The following PRKN variants were observed in gnomAD, a reference collection of about 807,000 sequenced individuals.
The protein encoded by PRKN is E3 ubiquitin-protein ligase parkin.
PRKN carries 56 observed loss-of-function variants against 59.5 expected under a neutral mutation model. The ratio of observed to expected loss-of-function variants is 0.94; its 90% CI spans 0.76 to 1.18. The LOEUF (loss-of-function observed/expected upper bound fraction) is 1.18. PRKN is among the 50% of genes most tolerant of loss of function. The pLI, the probability that PRKN is intolerant of heterozygous loss-of-function variation, is 0.00. For synonymous variants in PRKN, 250 were observed against 222.1 expected (o/e 1.13, Z -1.12); for missense variants, 657 against 596.4 (o/e 1.10, Z -1.06).
chr6:161,779,510 T>C (rs1790113225), intron 7 of PRKN, among the ~76,000 whole-genome samples: 1 of 138,328 alleles, frequency 7.2e-6, no homozygotes, highest in Non-Finnish European at 1.5e-5. Flanking sequence ...AGTGGTGTGA[T>C]CGTGGCTCAC....
intron 1 of PRKN, among the ~76,000 whole-genome samples, chr6:162,715,333 G>A (rs1300136674): frequency 3.3e-5 from 5 of 152,192 alleles, no homozygotes; most frequent in Admixed American, 2.0e-4. Context: ...GTATGAGCAC[G>A]CTTATTCCCT....
At chr6:162,133,396 G>C (rs1372059867) in intron 4 of PRKN, among the ~76,000 whole-genome samples, 2 of 152,196 alleles carry the variant, frequency 1.3e-5, no homozygotes, top group Non-Finnish European at 1.5e-5. Context: ...CTTAGCAACT[G>C]AGAGAGCAGT....
rs975244042 is a variant in PRKN at position 162,183,609 on chromosome 6, A to C, written c.534+17522T>G. ...TATATGCCAAAGTATACATCTTGGA[A>C]GGAATTCAATATGGTGATAAAACTA... On this transcript the variant is annotated intron_variant, in intron 4 of 11. Coordinates refer to ENST00000366898, the MANE Select transcript of PRKN (RefSeq NM_004562.3). 2.2e-4 allele frequency among the ~76,000 whole-genome samples: 34 copies of C among 152,220 alleles called. 1 individual carries two copies. Among genetic ancestry groups the C allele is most frequent in the Non-Finnish European group, 7.3e-5 (5 of 68,042 alleles).
intron 7 of PRKN, among the ~76,000 whole-genome samples, chr6:161,692,794 C>T (rs1016217520): frequency 6.6e-6 from 1 of 151,798 alleles, no homozygotes; most frequent in Non-Finnish European, 1.5e-5. Flanking sequence ...AACCCCCCCA[C>T]AAAAATTAGC....
intron 1 of PRKN, among the ~76,000 whole-genome samples, chr6:162,604,283 C>G (rs1441495552): frequency 3.3e-5 from 5 of 152,300 alleles, no homozygotes; most frequent in African/African-American, 4.8e-5. Flanking sequence ...CAGCACTGAT[C>G]CCCTTGGGTA....
intron 6 of PRKN, among the ~76,000 whole-genome samples, chr6:161,872,245 G>C (rs1190216703): frequency 1.3e-5 from 2 of 152,040 alleles, no homozygotes; most frequent in Non-Finnish European, 2.9e-5. Flanking sequence ...CTATTTTTCA[G>C]AATAAGGTCA....
intron 1 of PRKN, among the ~76,000 whole-genome samples, chr6:162,563,995 C>A (rs9458598): frequency 0.23 from 33,544 of 145,882 alleles, 4,471 homozygotes; most frequent in African/African-American, 0.38. Context: ...AAAAAAAAAA[C>A]CACAATAAAT....
chr6:162,025,529 T>C (rs1479804109), intron 5 of PRKN, among the ~76,000 whole-genome samples: 1 of 149,808 alleles, frequency 6.7e-6, no homozygotes, highest in Non-Finnish European at 1.5e-5. Flanking sequence ...GTCAACTTTT[T>C]AAGGAAACCT....
At chr6:161,735,850 GGTT>G (rs1562643451) in intron 7 of PRKN, among the ~76,000 whole-genome samples, 1 of 152,086 alleles carries the variant, frequency 6.6e-6, no homozygotes, top group East Asian at 1.9e-4. Context: ...GGGAGGCAGA[GGTT>G]GTGGTGAGCC....
chr6:162,304,469 G>A (rs1475290263), intron 2 of PRKN, among the ~76,000 whole-genome samples: 1 of 150,512 alleles, frequency 6.6e-6, no homozygotes, highest in Non-Finnish European at 1.5e-5. Flanking sequence ...TAACTAAAAT[G>A]TAATGCTTGA....
At chr6:161,938,237 C>T (rs1779426448) in intron 6 of PRKN, among the ~76,000 whole-genome samples, 1 of 152,172 alleles carries the variant, frequency 6.6e-6, no homozygotes, top group African/African-American at 2.4e-5. Flanking sequence ...TCCAGCGATA[C>T]AGATGGGAAG....
chr6:162,156,867 T>G (rs142216160), intron 4 of PRKN, among the ~76,000 whole-genome samples: 71 of 152,248 alleles, frequency 4.7e-4, no homozygotes, highest in Non-Finnish European at 7.9e-4. Context: ...TTGGGGTTTG[T>G]AAAGACTCCA....
At chr6:161,925,398 C>G (rs922608655) in intron 6 of PRKN, among the ~76,000 whole-genome samples, 17 of 151,972 alleles carry the variant, frequency 1.1e-4, no homozygotes, top group Non-Finnish European at 1.5e-5. Flanking sequence ...GGTGAAATCC[C>G]GTCTCTACTA....
intron 4 of PRKN, among the ~76,000 whole-genome samples, chr6:162,194,760 T>C (rs1486682106): frequency 6.6e-6 from 1 of 152,130 alleles, no homozygotes; most frequent in Admixed American, 6.6e-5. Flanking sequence ...CCTGGCTCTT[T>C]TGGAAGTATT....
At chr6:161,564,689 G>A (rs1780574145) in intron 8 of PRKN, among the ~76,000 whole-genome samples, 1 of 152,012 alleles carries the variant, frequency 6.6e-6, no homozygotes, top group Admixed American at 6.6e-5. Context: ...CCTACACCAT[G>A]CACTATTTCC....
At chr6:161,384,707 G>A (rs1013935690) in intron 10 of PRKN, among the ~76,000 whole-genome samples, 10 of 152,114 alleles carry the variant, frequency 6.6e-5, no homozygotes, top group African/African-American at 2.2e-4. Context: ...TTGCCCATGT[G>A]GCACCCTCTG....
intron 7 of PRKN, among the ~76,000 whole-genome samples, chr6:161,720,498 G>T (rs1035669213): frequency 4.0e-5 from 6 of 149,166 alleles, no homozygotes; most frequent in African/African-American, 1.5e-4. Flanking sequence ...CATTTCAGAG[G>T]GCACTGATGG....
intron 6 of PRKN, among the ~76,000 whole-genome samples, chr6:161,858,508 A>C (rs1793747206): frequency 6.6e-6 from 1 of 152,176 alleles, no homozygotes; most frequent in Non-Finnish European, 1.5e-5. Flanking sequence ...GATGTGCTAT[A>C]AACAGCCCTA....
At chr6:161,867,746 T>TTTA (rs1554236169) in intron 6 of PRKN, among the ~76,000 whole-genome samples, 1 of 144,252 alleles carries the variant, frequency 6.9e-6, no homozygotes, top group Non-Finnish European at 1.5e-5. Flanking sequence ...CTTTCATTTA[T>TTTA]TTATTTATTT....
Sources: gnomAD v4.1 joint callset for allele counts (sites outside exome capture counted in the v4.1 genomes callset) on GRCh38, gnomAD v4.1.1 for gene constraint, MANE v1.5 for transcripts, NCBI Gene and HGNC (gene_info 2026-07-23, HGNC 2026-07-21) for gene names.